TMEM18: variants seen among roughly 807,000 people sequenced by gnomAD.
The protein encoded by TMEM18 is transmembrane protein 18.
Under a neutral mutation model 17.4 loss-of-function variants are expected in TMEM18, and 14 were observed. That is an observed-to-expected ratio of 0.80 (90% CI 0.53 to 1.25). TMEM18 has a LOEUF of 1.25. Among genes scored for constraint, TMEM18 ranks in the 50% most tolerant of loss-of-function variants. The pLI is 0.00. For synonymous variants in TMEM18, 86 were observed against 66.1 expected, an observed-to-expected ratio of 1.30 and a Z score of -1.46; for missense variants, 187 against 172.1, an observed-to-expected ratio of 1.09 and a Z score of -0.48.
rs902091788 is a variant in TMEM18, at chr2:666,330, C to A, written c.*3250G>T. Among the ~76,000 whole-genome samples, 7 of 152,172 alleles carry A rather than the reference C, an allele frequency of 4.6e-5. No homozygotes were observed. The highest frequency in any genetic ancestry group is 4.6e-4 in the Admixed American group (7 of 15,282). ...TCTGTCCTCAGGTTCCTTTCAGGGC[C>A]TGTGCCAGTCAGCGCCTCCCCTGGC... On this transcript the variant is annotated 3_prime_UTR_variant, in exon 5 of 5. Coordinates refer to ENST00000281017, the MANE Select transcript of TMEM18 (RefSeq NM_152834.4).
chr2:672,055 G>A (rs1678863496), intron 3 of TMEM18, among the ~76,000 whole-genome samples: 1 of 152,190 alleles, frequency 6.6e-6, no homozygotes, highest in African/African-American at 2.4e-5. Flanking sequence ...AAGGATTTCA[G>A]GGAGTGCTCA....
intron 3 of TMEM18, 83 bp downstream of exon 3, chr2:672,725 C>G (rs1678881848): frequency 7.9e-7 from 1 of 1,273,776 alleles, no homozygotes; most frequent in East Asian, 2.8e-5. Context: ...TTCACTGTCT[C>G]CTCCGCGAGT....
intron 3 of TMEM18, among the ~76,000 whole-genome samples, chr2:671,265 C>G (rs1045151778): frequency 6.6e-6 from 1 of 152,304 alleles, no homozygotes. Flanking sequence ...AAAGGTGCTG[C>G]ACCCTGGAGC....
chr2:671,250 G>C (rs934577168), intron 3 of TMEM18, among the ~76,000 whole-genome samples: 3 of 152,194 alleles, frequency 2.0e-5, no homozygotes, highest in Non-Finnish European at 4.4e-5. Context: ...GAAGGGAGGG[G>C]CCAGAAAGGT....
chr2:669,332 T>C lies in TMEM18; in HGVS notation c.*248A>G, dbSNP rs1338034199. 3 of 536,392 alleles carry C rather than the reference T, an allele frequency of 5.6e-6. No homozygotes were observed. Among genetic ancestry groups the C allele is most frequent in the African/African-American group, 1.9e-5 (1 of 53,084 alleles). 33.2% of individuals were successfully genotyped at this position (536,392 alleles called of 1,614,324 possible). On this transcript the variant is annotated 3_prime_UTR_variant, in exon 5 of 5. Coordinates refer to ENST00000281017, the MANE Select transcript of TMEM18 (RefSeq NM_152834.4). ...AATCAAATTCCCAGTTATGAAGCTC[T>C]GCAGAGACCGTTCCCACAGCCTGAC...
At chr2:672,769 C>T in intron 3 of TMEM18, 39 bp downstream of exon 3, 1 of 1,434,208 alleles carries the variant, frequency 7.0e-7, no homozygotes, top group East Asian at 2.8e-5. Context: ...CAGGGACACC[C>T]CTGCAGGGAC....
chr2:676,295 C>T (rs1659210593), intron 1 of TMEM18: 1 of 1,484,084 alleles, frequency 6.7e-7, no homozygotes, highest in Non-Finnish European at 9.0e-7. Flanking sequence ...TCCACTGCTG[C>T]TCAGTCCCCA....
intron 3 of TMEM18, chr2:670,082 C>T: frequency 4.0e-6 from 2 of 505,508 alleles, no homozygotes; most frequent in East Asian, 7.0e-5. Context: ...AGACACCACC[C>T]AGCAGCACAG....
rs546697090 is a variant in TMEM18 at position 665,256 on chromosome 2, G to T, written c.*4324C>A. ...TAGAGAATCAACCCCATATACAACA[G>T]GATCCAGAGATGCAGACACCCCACT... On this transcript the variant is annotated 3_prime_UTR_variant, in exon 5 of 5. Coordinates refer to ENST00000281017, the MANE Select transcript of TMEM18 (RefSeq NM_152834.4). Among the ~76,000 whole-genome samples, 18 of 151,680 alleles carry T rather than the reference G, an allele frequency of 1.2e-4. No individual in the cohort carries two copies. The highest frequency in any genetic ancestry group is 3.9e-4 in the African/African-American group (16 of 41,304).
In TMEM18 at chr2:666,680, T is replaced by G. The variant is rs1415858688; in HGVS notation, c.*2900A>C. ...GGGCAGCGCCACCCCCTGGGTGCTC[T>G]TCTCTGCCCTGGCTCGCTCCCTTCC... On this transcript the variant is annotated 3_prime_UTR_variant, in exon 5 of 5. Coordinates refer to ENST00000281017, the MANE Select transcript of TMEM18 (RefSeq NM_152834.4). Among the ~76,000 whole-genome samples, 1 of 152,138 alleles carries G rather than the reference T, an allele frequency of 6.6e-6. No homozygotes were observed. Among genetic ancestry groups the G allele is most frequent in the Non-Finnish European group, 1.5e-5 (1 of 68,024 alleles).
In TMEM18 at chr2:664,719, A is replaced by G. The variant is rs11673780; in HGVS notation, c.*4861T>C. Among the ~76,000 whole-genome samples, 35,425 of 152,218 alleles carry G rather than the reference A, an allele frequency of 0.23. 4,675 individuals are homozygous for G. The highest frequency in any genetic ancestry group is 0.38 in the East Asian group (1,967 of 5,176). Reference sequence around the variant, plus strand: ...TAGCAACATTTACCAACTGTCACATAAAAGTTATATATGTTGACTAAATTT... The same window carrying G: ...TAGCAACATTTACCAACTGTCACATGAAAGTTATATATGTTGACTAAATTT... On this transcript the variant is annotated 3_prime_UTR_variant, in exon 5 of 5. Transcript: ENST00000281017.
In TMEM18 at chr2:666,610, T is replaced by A. The variant is rs13392582; in HGVS notation, c.*2970A>T. On this transcript the variant is annotated 3_prime_UTR_variant, in exon 5 of 5. Coordinates refer to ENST00000281017, the MANE Select transcript of TMEM18 (RefSeq NM_152834.4). The stretch of plus-strand genomic sequence containing the variant: ...TCGCCGCCCCATCCTGCCTTCCCTG[T>A]GCAGCAACCAGGGCTTGGAGACATC... Among the ~76,000 whole-genome samples the A allele has an allele frequency of 0.14, 21,972 of 152,104 alleles. 1,972 individuals are homozygous for A. The highest frequency in any genetic ancestry group is 0.25 in the African/African-American group (10,371 of 41,476).
At chr2:672,762 G>A in intron 3 of TMEM18, 46 bp downstream of exon 3, 2 of 1,412,048 alleles carry the variant, frequency 1.4e-6, no homozygotes, top group South Asian at 1.7e-5. Context: ...CCATTCCCAG[G>A]GACACCCCTG....
chr2:675,273 G>A (rs1490298309), intron 2 of TMEM18, among the ~76,000 whole-genome samples: 1 of 152,238 alleles, frequency 6.6e-6, no homozygotes, highest in East Asian at 1.9e-4. Flanking sequence ...CTGGTGCTCA[G>A]CACCTCCCTG....
At chr2:677,136 G>A in intron 1 of TMEM18, 153 bp downstream of exon 1, 3 of 959,414 alleles carry the variant, frequency 3.1e-6, no homozygotes, top group African/African-American at 1.7e-5. Flanking sequence ...CACTCCCACA[G>A]GTCTCAGGAC....
Position 669,562 on chromosome 2 carries a change from C to G in TMEM18, c.*18G>C. ...TGGGTGGACGGGAAGGACGCAAACT[C>G]CAAGCAGCTGCTGCCCCTCAGTCTT... On this transcript the variant is annotated 3_prime_UTR_variant, in exon 5 of 5. Transcript: ENST00000281017. 1 of 1,613,868 alleles carries G rather than the reference C, an allele frequency of 6.2e-7. No individual in the cohort carries two copies. The highest frequency in any genetic ancestry group is 1.1e-5 in the South Asian group (1 of 91,042).
At position 665,162 on chromosome 2, in the gene TMEM18, C is replaced by A. The variant is rs1214743522; in HGVS notation, c.*4418G>T. The stretch of plus-strand genomic sequence containing the variant: ...TCCATAAACCCAGAGATGCAGACGC[C>A]CAGCTCAGATGGAGCATCACTCCCA... On this transcript the variant is annotated 3_prime_UTR_variant, in exon 5 of 5. Transcript: ENST00000281017. Among the ~76,000 whole-genome samples the A allele has an allele frequency of 2.6e-5, 4 of 152,094 alleles. No homozygotes were observed. The highest frequency in any genetic ancestry group is 9.7e-5 in the African/African-American group (4 of 41,414).
chr2:675,758 C>T, intron 1 of TMEM18, 128 bp from the exon 2 acceptor site: 5 of 1,535,908 alleles, frequency 3.3e-6, no homozygotes, highest in Non-Finnish European at 4.4e-6. Context: ...GGCTACTCAC[C>T]AAGTATCCAG....
rs1277982726 is a variant in TMEM18, at chr2:666,674, GT to G, written c.*2905del. ...GGGACTGGGCAGCGCCACCCCCTGG[GT>G]GCTCTTCTCTGCCCTGGCTCGCTCC... is the stretch of plus-strand genomic sequence containing the variant. On this transcript the variant is annotated 3_prime_UTR_variant, in exon 5 of 5. Coordinates refer to ENST00000281017, the MANE Select transcript of TMEM18 (RefSeq NM_152834.4). 6.6e-6 allele frequency among the ~76,000 whole-genome samples: 1 copy of G among 152,140 alleles called. No individual in the cohort carries two copies. The highest frequency in any genetic ancestry group is 1.5e-5 in the Non-Finnish European group (1 of 68,026).
Sources: allele counts gnomAD v4.1 joint callset (sites outside exome capture counted in the v4.1 genomes callset), GRCh38; gene constraint gnomAD v4.1.1; transcripts MANE v1.5; gene names NCBI Gene and HGNC (gene_info 2026-07-23, HGNC 2026-07-21).